The following SAMD4A variants were observed in gnomAD, a reference collection of about 807,000 sequenced individuals.
SAMD4A encodes the protein sterile alpha motif domain containing 4A.
Under a neutral mutation model 81.3 loss-of-function variants are expected in SAMD4A, and 33 were observed. The observed-to-expected ratio is 0.41, with a 90% confidence interval of 0.31 to 0.54. The LOEUF (loss-of-function observed/expected upper bound fraction) is 0.54, where lower values mean the gene tolerates loss of function less well. Among genes scored for constraint, SAMD4A ranks in the 20% least tolerant of loss-of-function variants. The pLI, the probability that SAMD4A is intolerant of heterozygous loss-of-function variation, is 0.37. For missense variants in SAMD4A, 854 were observed against 951.1 expected, an observed-to-expected ratio of 0.90 and a Z score of 1.34; for synonymous variants, 389 against 382.1, an observed-to-expected ratio of 1.02 and a Z score of -0.21.
intron 2 of SAMD4A, among the ~76,000 whole-genome samples, chr14:54,663,614 A>G (rs1445734905): frequency 1.3e-5 from 2 of 152,206 alleles, no homozygotes; most frequent in Non-Finnish European, 2.9e-5. Context: ...CAGTGAGACA[A>G]AAACTGAGCA....
At chr14:54,689,942 G>C (rs760619952) in intron 2 of SAMD4A, 1 of 152,278 alleles carries the variant, frequency 6.6e-6, no homozygotes, top group African/African-American at 2.4e-5. Context: ...ACCATTCTGC[G>C]CTGGTCCAGA....
chr14:54,663,276 G>A (rs986038070), intron 2 of SAMD4A, among the ~76,000 whole-genome samples: 40 of 152,146 alleles, frequency 2.6e-4, no homozygotes, highest in African/African-American at 9.2e-4. Flanking sequence ...CATTGAGAGC[G>A]GATCCAACCT....
intron 2 of SAMD4A, among the ~76,000 whole-genome samples, chr14:54,585,380 G>A (rs769874408): frequency 7.9e-5 from 12 of 152,206 alleles, no homozygotes; most frequent in Non-Finnish European, 1.6e-4. Flanking sequence ...TCTGGATCAC[G>A]CTTCTTTAAA....
intron 2 of SAMD4A, among the ~76,000 whole-genome samples, chr14:54,665,975 C>G (rs368153995): frequency 6.6e-6 from 1 of 152,124 alleles, no homozygotes; most frequent in African/African-American, 2.4e-5. Context: ...CCCCAAAGCT[C>G]AGGGAGAGTG....
At chr14:54,688,931 CTTTTTTTTT>C (rs71127666) in intron 2 of SAMD4A, among the ~76,000 whole-genome samples, 1 of 116,094 alleles carries the variant, frequency 8.6e-6, no homozygotes, top group African/African-American at 3.1e-5. Flanking sequence ...AGTCGTAATT[CTTTTTTTTT>C]TTTTTTTTGA....
intron 2 of SAMD4A, among the ~76,000 whole-genome samples, chr14:54,675,085 G>C (rs1167055020): frequency 6.6e-6 from 1 of 152,084 alleles, no homozygotes; most frequent in Non-Finnish European, 1.5e-5. Flanking sequence ...AAAGCAGAAG[G>C]CCAGGCATGG....
intron 2 of SAMD4A, among the ~76,000 whole-genome samples, chr14:54,577,973 A>G (rs1389705075): frequency 2.0e-5 from 3 of 152,184 alleles, no homozygotes; most frequent in Admixed American, 6.5e-5. Flanking sequence ...TGCCCAAACA[A>G]TGCAGTGGCC....
chr14:54,584,023 AAAT>A (rs2033547864), intron 2 of SAMD4A, among the ~76,000 whole-genome samples: 1 of 152,190 alleles, frequency 6.6e-6, no homozygotes, highest in African/African-American at 2.4e-5. Flanking sequence ...TAGAGTCTTT[AAAT>A]ACAGCTAGTC....
chr14:54,754,565 C>G (rs1219138969), intron 6 of SAMD4A, among the ~76,000 whole-genome samples: 1 of 152,270 alleles, frequency 6.6e-6, no homozygotes, highest in Admixed American at 6.5e-5. Flanking sequence ...TCTCTGGAAC[C>G]CCTACCTCTC....
At chr14:54,565,656 G>A (rs1477221005), upstream of SAMD4A, among the ~76,000 whole-genome samples, 1 of 152,128 alleles carries the variant, frequency 6.6e-6, no homozygotes, top group African/African-American at 2.4e-5. The surrounding 1 kb of genome is among the most constrained non-coding windows in gnomAD (Gnocchi z 5.4). Context: ...CAGAAGGGCC[G>A]AGGGTCAGCC....
intron 11 of SAMD4A, among the ~76,000 whole-genome samples, chr14:54,781,358 A>T (rs2038995207): frequency 6.6e-6 from 1 of 152,244 alleles, no homozygotes. Flanking sequence ...ATGCTGCAGC[A>T]GCACCTCATT....
Position 54,791,465 on chromosome 14 carries a change from A to G in SAMD4A, c.*2521A>G, listed in dbSNP as rs2039257986. 1 of 152,258 alleles carries G rather than the reference A, an allele frequency of 6.6e-6. No individual in the cohort carries two copies. The highest frequency in any genetic ancestry group is 2.4e-5 in the African/African-American group (1 of 41,472). 9.4% of individuals were successfully genotyped at this position (152,258 alleles called of 1,614,324 possible). A position where few individuals can be genotyped will look rare whatever the true frequency, so the allele number is the denominator to read the frequency against. ...ATTTCTATTTATTCCTTCACTGAAT[A>G]TAGAAACAATGGTTATCTGATTATT... On this transcript the variant is annotated 3_prime_UTR_variant, in exon 13 of 13. Coordinates refer to ENST00000554335, the MANE Select transcript of SAMD4A (RefSeq NM_015589.6).
intron 2 of SAMD4A, among the ~76,000 whole-genome samples, chr14:54,625,620 G>A (rs1302587396): frequency 1.3e-5 from 2 of 152,124 alleles, no homozygotes; most frequent in African/African-American, 4.8e-5. Context: ...TTAAAAATGT[G>A]TCCCCATATT....
Position 54,700,992 on chromosome 14 carries a change from A to ATTTTTTTTTTTTT in SAMD4A, c.197-1070_197-1069insTTTTTTTTTTTTT. 2 of 121,654 alleles carry ATTTTTTTTTTTTT rather than the reference A, an allele frequency of 1.6e-5. 1 individual carries two copies. The highest frequency in any genetic ancestry group is 3.5e-5 in the Non-Finnish European group (2 of 56,434). The allele number at this position is 121,654 out of a possible 1,614,324, so 7.5% of individuals were successfully genotyped here. On this transcript the variant is annotated intron_variant, in intron 2 of 12. Transcript: ENST00000554335. ...AGTTGCACACCACTGTGAAACGGTG[A>ATTTTTTTTTTTTT]ATTTTTTTTTTTTTTTTTTTTTTGA...
intron 2 of SAMD4A, among the ~76,000 whole-genome samples, chr14:54,626,702 A>G (rs1351731103): frequency 2.0e-5 from 3 of 152,038 alleles, no homozygotes; most frequent in Admixed American, 1.3e-4. Flanking sequence ...ATTCCTATGG[A>G]GGCTGAGGGA....
intron 3 of SAMD4A, among the ~76,000 whole-genome samples, chr14:54,716,420 G>T (rs1166987283): frequency 6.6e-6 from 1 of 152,296 alleles, no homozygotes; most frequent in Non-Finnish European, 1.5e-5. Context: ...TATACTCTCT[G>T]TATCTCTTGT....
intron 2 of SAMD4A, among the ~76,000 whole-genome samples, 189 bp from the exon 3 acceptor site, chr14:54,701,873 G>A (rs963523786): frequency 3.9e-5 from 6 of 152,216 alleles, no homozygotes; most frequent in African/African-American, 1.4e-4. Flanking sequence ...TTTGATCTGT[G>A]TTTCATTGGA....
chr14:54,658,038 G>A (rs2140452498), intron 2 of SAMD4A, among the ~76,000 whole-genome samples: 1 of 152,360 alleles, frequency 6.6e-6, no homozygotes, highest in South Asian at 2.1e-4. Context: ...GCCGGCCGTG[G>A]TGGCTGACGC....
At chr14:54,568,690 CATATATATATATATATATATATATAT>C (rs59190435) in intron 2 of SAMD4A, among the ~76,000 whole-genome samples, 639 of 31,890 alleles carry the variant, frequency 0.02, 22 homozygotes, top group African/African-American at 0.035. Context: ...ACATTTGCAG[CATATATATATATATATATATATATAT>C]ATATATATAT....
Sources: allele counts gnomAD v4.1 joint callset (sites outside exome capture counted in the v4.1 genomes callset), GRCh38; gene constraint gnomAD v4.1.1; non-coding constraint Gnocchi (gnomAD v3.1); transcripts MANE v1.5; gene names NCBI Gene and HGNC (gene_info 2026-07-23, HGNC 2026-07-21).